FRMD4B: variants seen among roughly 807,000 people sequenced by gnomAD.
The protein encoded by FRMD4B is FERM domain-containing protein 4B.
In FRMD4B, 74 loss-of-function variants were observed where a neutral mutation model predicts 141.5. That is an observed-to-expected ratio of 0.52 (90% CI 0.43 to 0.63). The LOEUF (loss-of-function observed/expected upper bound fraction) is 0.63, where lower values mean the gene tolerates loss of function less well. Ranked by LOEUF, FRMD4B falls within the 30% of genes least tolerant of loss-of-function variation. The pLI is 0.00. For missense variants in FRMD4B, 1,366 were observed against 1,253.4 expected (o/e 1.09, Z -1.36); for synonymous variants, 506 against 467.9 (o/e 1.08, Z -1.05).
chr3:69,176,632 T>TTAACTGGG lies in FRMD4B; in HGVS notation c.2875_2876insCCCAGTTA (p.Asn959ThrfsTer9). The TTAACTGGG allele has an allele frequency of 6.2e-7, 1 of 1,604,410 alleles. No individual in the cohort carries two copies. The highest frequency in any genetic ancestry group is 8.5e-7 in the Non-Finnish European group (1 of 1,171,376). On this transcript the variant is annotated frameshift_variant, in exon 22 of 23. Transcript: ENST00000398540. LOFTEE classifies it high-confidence loss of function. The stretch of plus-strand genomic sequence containing the variant: ...CCCTATGGTTAACTGGGTCCTCCAG[T>TTAACTGGG]TCCCAGAAGCATTTGTAGAAGACAC...
chr3:69,205,238 C>T (rs1452206926), intron 11 of FRMD4B, among the ~76,000 whole-genome samples: 3 of 151,474 alleles, frequency 2.0e-5, no homozygotes, highest in Non-Finnish European at 4.4e-5. Context: ...ATGATCACGG[C>T]TCACTGCAGC....
At chr3:69,479,034 C>CT (rs528996322) in intron 1 of FRMD4B, among the ~76,000 whole-genome samples, 2 of 77,758 alleles carry the variant, frequency 2.6e-5, no homozygotes, top group Admixed American at 1.3e-4. Flanking sequence ...CAACCCCTGC[C>CT]TTTTTTTTGT....
intron 1 of FRMD4B, among the ~76,000 whole-genome samples, chr3:69,485,090 C>T (rs1320490077): frequency 5.3e-5 from 8 of 152,182 alleles, no homozygotes; most frequent in Admixed American, 5.2e-4. Flanking sequence ...TGTCCTCAAC[C>T]CCCCTCAACT....
rs555325155 is a variant in FRMD4B at position 69,521,420 on chromosome 3, G to GC, written c.-129+20785dup. 2.1e-4 allele frequency among the ~76,000 whole-genome samples: 32 copies of GC among 152,232 alleles called. No individual in the cohort carries two copies. In the Middle Eastern group the frequency reaches 0.014, roughly 65 times the overall value. ...CCCAAGCATGTTTTTCCTAGATCAA[G>GC]CCACCATCATCACCTGACTGAGGCA... is the stretch of plus-strand genomic sequence containing the variant. On this transcript the variant is annotated intron_variant, in intron 1 of 5. Coordinates refer to the FRMD4B transcript ENST00000459638.
chr3:69,455,264 C>T (rs937216925), intron 1 of FRMD4B, among the ~76,000 whole-genome samples: 4 of 152,312 alleles, frequency 2.6e-5, no homozygotes, highest in East Asian at 3.9e-4. Flanking sequence ...CCAGAGGCCA[C>T]AGCAGTGATA....
At chr3:69,353,575 A>T in intron 1 of FRMD4B, 6 of 985,402 alleles carry the variant, frequency 6.1e-6, no homozygotes, top group Non-Finnish European at 7.2e-6. Flanking sequence ...GCTCATTTAA[A>T]GGAACTGAAG....
At chr3:69,494,627 C>T (rs1484718211) in intron 1 of FRMD4B, among the ~76,000 whole-genome samples, 1 of 152,146 alleles carries the variant, frequency 6.6e-6, no homozygotes, top group African/African-American at 2.4e-5. Context: ...TGCGGTGGCT[C>T]ATACATGTAA....
intron 1 of FRMD4B, among the ~76,000 whole-genome samples, chr3:69,357,130 T>C (rs1007891658): frequency 6.6e-5 from 10 of 152,108 alleles, no homozygotes; most frequent in African/African-American, 1.9e-4. Context: ...GACAAGGGCA[T>C]AGGTGCCAGG....
rs957021634 is a variant in FRMD4B, at chr3:69,181,565, C to T, written c.2185G>A (p.Gly729Arg). The change falls in exon 21 of 23, where the codon GGG becomes AGG. Residue 729 changes from glycine to arginine, a missense_variant. By Grantham distance (125) the Gly-to-Arg change is moderately radical. Coordinates refer to ENST00000398540, the MANE Select transcript of FRMD4B (RefSeq NM_015123.3). The stretch of plus-strand genomic sequence containing the variant: ...CTTGATTGGCTTGTATAAGAAGACC[C>T]GTCATCGAGGATTTCTGTGCTGCTG... ...RSSSTEILDD[G>R]SSYTSQSSTE... is the part of the protein sequence containing the mutation. The T allele has an allele frequency of 1.1e-5, 18 of 1,613,822 alleles. No homozygotes were observed. The highest frequency in any genetic ancestry group is 1.4e-5 in the Non-Finnish European group (16 of 1,179,832).
intron 5 of FRMD4B, among the ~76,000 whole-genome samples, chr3:69,260,872 C>G (rs1404364732): frequency 6.6e-6 from 1 of 152,192 alleles, no homozygotes; most frequent in African/African-American, 2.4e-5. Flanking sequence ...TTATATCTAG[C>G]TAGAGGATTG....
At chr3:69,295,189 C>T (rs1700998897) in intron 4 of FRMD4B, among the ~76,000 whole-genome samples, 1 of 152,110 alleles carries the variant, frequency 6.6e-6, no homozygotes, top group Non-Finnish European at 1.5e-5. Flanking sequence ...CAAGAGGGTG[C>T]CAGAAGCTAC....
intron 2 of FRMD4B, among the ~76,000 whole-genome samples, chr3:69,431,869 T>A (rs537407993): frequency 6.6e-6 from 1 of 152,378 alleles, no homozygotes; most frequent in African/African-American, 2.4e-5. Context: ...CACGTGCAGT[T>A]CATAGTTGTG....
At chr3:69,271,849 C>T (rs1371789250) in intron 5 of FRMD4B, among the ~76,000 whole-genome samples, 1 of 152,172 alleles carries the variant, frequency 6.6e-6, no homozygotes, top group Non-Finnish European at 1.5e-5. Flanking sequence ...GTGGCGGACG[C>T]CTATAATCCC....
chr3:69,351,519 G>A (rs979622622), intron 1 of FRMD4B, among the ~76,000 whole-genome samples: 1 of 152,174 alleles, frequency 6.6e-6, no homozygotes, highest in Non-Finnish European at 1.5e-5. Context: ...GCACACCTGT[G>A]CACAGGCTTC....
chr3:69,203,698 A>G (rs2092995291), intron 11 of FRMD4B, among the ~76,000 whole-genome samples: 1 of 152,120 alleles, frequency 6.6e-6, no homozygotes, highest in Non-Finnish European at 1.5e-5. Context: ...CACCTCAGAG[A>G]GTTGTCGGAA....
At chr3:69,531,013 C>A (rs1701001994) in intron 1 of FRMD4B, among the ~76,000 whole-genome samples, 1 of 152,192 alleles carries the variant, frequency 6.6e-6, no homozygotes, top group Admixed American at 6.5e-5. Context: ...TAACTGGCAA[C>A]AGGCATCTTG....
chr3:69,192,911 G>A (rs904625472), intron 17 of FRMD4B, among the ~76,000 whole-genome samples: 1 of 151,608 alleles, frequency 6.6e-6, no homozygotes, highest in African/African-American at 2.4e-5. Context: ...TCGATTACCT[G>A]GGCTCAAATG....
intron 1 of FRMD4B, among the ~76,000 whole-genome samples, chr3:69,488,449 AT>A (rs1221033371): frequency 3.2e-4 from 49 of 152,144 alleles, no homozygotes; most frequent in Admixed American, 9.2e-4. Context: ...TGGTCAACTG[AT>A]TTTCTTCAAA....
At chr3:69,375,315 T>A (rs1483282580) in intron 1 of FRMD4B, among the ~76,000 whole-genome samples, 1 of 149,804 alleles carries the variant, frequency 6.7e-6, no homozygotes, top group Non-Finnish European at 1.5e-5. Flanking sequence ...CCATCCTTCC[T>A]TCCATCCATC....
Sources: allele counts gnomAD v4.1 joint callset (sites outside exome capture counted in the v4.1 genomes callset), GRCh38; gene constraint gnomAD v4.1.1; transcripts MANE v1.5; gene names NCBI Gene and HGNC (gene_info 2026-07-23, HGNC 2026-07-21).